Variants in SUGCT observed in about 807,000 individuals in gnomAD.
The protein encoded by SUGCT is succinyl-CoA:glutarate-CoA transferase, also known as succinyl-CoA:glutarate CoA-transferase.
Under a neutral mutation model 55.0 loss-of-function variants are expected in SUGCT, and 41 were observed. That is an observed-to-expected ratio of 0.74 (90% CI 0.58 to 0.97). The LOEUF is 0.97. SUGCT is among the 50% of genes least tolerant of loss of function. SUGCT has a pLI of 0.00. For missense variants in SUGCT, 568 were observed against 547.8 expected, an observed-to-expected ratio of 1.04 and a Z score of -0.37; for synonymous variants, 187 against 200.4, an observed-to-expected ratio of 0.93 and a Z score of 0.56.
Position 40,365,123 on chromosome 7 carries a change from A to G in SUGCT, c.816+48268A>G, listed in dbSNP as rs377243655. Among the ~76,000 whole-genome samples the G allele has an allele frequency of 9.2e-5, 14 of 152,322 alleles. No individual in the cohort carries two copies. The East Asian group carries it at 2.5e-3, about 27-fold the overall frequency. ...CTGGTTCAGTATATGCAAATTAATAAATGTAATCCGGCATATAAACAGAAC... is the reference window on the plus strand; with the variant it reads ...CTGGTTCAGTATATGCAAATTAATAGATGTAATCCGGCATATAAACAGAAC... On this transcript the variant is annotated intron_variant, in intron 9 of 13. Transcript: ENST00000335693.
chr7:40,843,169 T>A (rs915006325), intron 13 of SUGCT, among the ~76,000 whole-genome samples: 2 of 152,106 alleles, frequency 1.3e-5, no homozygotes, highest in Non-Finnish European at 2.9e-5. Flanking sequence ...GGAGGTAAAC[T>A]GGCCAAAGGG....
At chr7:40,726,632 G>GTAAATA (rs1786626400) in intron 12 of SUGCT, among the ~76,000 whole-genome samples, 1 of 152,134 alleles carries the variant, frequency 6.6e-6, no homozygotes, top group Non-Finnish European at 1.5e-5. Context: ...ATATTTCAGT[G>GTAAATA]TAATCACACA....
At chr7:40,721,332 A>AT (rs901882635) in intron 12 of SUGCT, among the ~76,000 whole-genome samples, 43 of 151,748 alleles carry the variant, frequency 2.8e-4, no homozygotes, top group African/African-American at 8.7e-4. Context: ...TTCAAGTTGC[A>AT]TTTTTTTTCA....
intron 13 of SUGCT, among the ~76,000 whole-genome samples, chr7:40,801,654 A>C (rs1790822306): frequency 6.6e-6 from 1 of 152,210 alleles, no homozygotes; most frequent in African/African-American, 2.4e-5. Context: ...GAGGTACAGC[A>C]GATGGCAGTG....
intron 7 of SUGCT, among the ~76,000 whole-genome samples, chr7:40,255,931 A>G (rs10261911): frequency 0.4 from 61,270 of 151,848 alleles, 12,806 homozygotes; most frequent in East Asian, 0.5. Flanking sequence ...TTTGGTCCTT[A>G]TGAAGGTGTA....
intron 13 of SUGCT, among the ~76,000 whole-genome samples, chr7:40,835,017 G>A (rs1053567506): frequency 6.6e-5 from 10 of 152,150 alleles, no homozygotes; most frequent in Admixed American, 3.9e-4. Flanking sequence ...ATAGATTGGA[G>A]CTGTCCAATG....
At chr7:40,915,626 G>GA in the SUGCT span, among the ~76,000 whole-genome samples, 1 of 152,184 alleles carries the variant, frequency 6.6e-6, no homozygotes, top group Non-Finnish European at 1.5e-5. Flanking sequence ...CATAAAGGCA[G>GA]AGGACAGGAG....
intron 12 of SUGCT, among the ~76,000 whole-genome samples, chr7:40,589,050 A>G (rs1797563726): frequency 6.6e-6 from 1 of 152,136 alleles, no homozygotes; most frequent in South Asian, 2.1e-4. Context: ...AATAATCTAA[A>G]TAAAATTTTT....
chr7:40,978,311 G>T, the SUGCT span, among the ~76,000 whole-genome samples: 2 of 152,186 alleles, frequency 1.3e-5, no homozygotes, highest in Non-Finnish European at 2.9e-5. Flanking sequence ...GTCAGGCAGG[G>T]GTTGCTCTCC....
chr7:40,470,370 T>G (rs1486192759), intron 11 of SUGCT, among the ~76,000 whole-genome samples: 1 of 152,074 alleles, frequency 6.6e-6, no homozygotes, highest in African/African-American at 2.4e-5. Context: ...TCAACTGATG[T>G]TTCTAGTAAG....
intron 12 of SUGCT, among the ~76,000 whole-genome samples, chr7:40,628,392 T>A (rs1799625154): frequency 6.6e-6 from 1 of 152,238 alleles, no homozygotes; most frequent in South Asian, 2.1e-4. Context: ...TCACAAAACA[T>A]CTACACTGTT....
At chr7:40,371,266 T>C (rs1439800276) in intron 9 of SUGCT, among the ~76,000 whole-genome samples, 2 of 152,160 alleles carry the variant, frequency 1.3e-5, no homozygotes, top group East Asian at 3.8e-4. Context: ...AGTTAAATAG[T>C]GCACAGGATG....
At position 40,672,537 on chromosome 7, in the gene SUGCT, G is replaced by A. The variant is rs942654023; in HGVS notation, c.1090-76897G>A. 2.3e-4 allele frequency among the ~76,000 whole-genome samples: 35 copies of A among 152,172 alleles called. 1 individual carries two copies. The highest frequency in any genetic ancestry group is 7.7e-4 in the African/African-American group (32 of 41,452). Reference sequence around the variant, plus strand: ...AATTATAGAAATGGAAACTAGATGAGTGGTTGCTAGGATTTAAGGAGAAGG... The same window carrying A: ...AATTATAGAAATGGAAACTAGATGAATGGTTGCTAGGATTTAAGGAGAAGG... On this transcript the variant is annotated intron_variant, in intron 12 of 13. Transcript: ENST00000335693.
intron 1 of SUGCT, among the ~76,000 whole-genome samples, chr7:40,156,995 A>T (rs1783928552): frequency 6.9e-6 from 1 of 145,428 alleles, no homozygotes; most frequent in South Asian, 2.3e-4. Flanking sequence ...AGCCTGGGTG[A>T]CAGAGCAAGA....
At chr7:40,220,601 A>G (rs1235178130) in intron 6 of SUGCT, among the ~76,000 whole-genome samples, 1 of 152,218 alleles carries the variant, frequency 6.6e-6, no homozygotes, top group Non-Finnish European at 1.5e-5. Context: ...ACTTAGGGCT[A>G]CAAGGAAAAG....
chr7:40,721,188 G>A (rs923734547), intron 12 of SUGCT, among the ~76,000 whole-genome samples: 4 of 152,196 alleles, frequency 2.6e-5, no homozygotes, highest in African/African-American at 9.7e-5. Context: ...GCCTGTTGCT[G>A]TGTAAATGAG....
At position 40,289,805 on chromosome 7, in the gene SUGCT, A is replaced by G. The variant is rs568203116; in HGVS notation, c.720+15149A>G. 1.5e-3 allele frequency among the ~76,000 whole-genome samples: 224 copies of G among 152,256 alleles called. 3 individuals carry two copies. Among genetic ancestry groups the G allele is most frequent in the African/African-American group, 5.1e-3 (210 of 41,556 alleles). The stretch of plus-strand genomic sequence containing the variant: ...TTAAGCTGATAAGCTACTTCAGCAA[A>G]GTCTCAGGATACAAAATCAATGTAC... On this transcript the variant is annotated intron_variant, in intron 8 of 13. Coordinates refer to ENST00000335693, the MANE Select transcript of SUGCT (RefSeq NM_001193313.2).
At chr7:40,161,740 A>G (rs1286558164) in intron 1 of SUGCT, among the ~76,000 whole-genome samples, 1 of 152,220 alleles carries the variant, frequency 6.6e-6, no homozygotes, top group African/African-American at 2.4e-5. Context: ...TCCTCTGGAC[A>G]GCTAACTTCA....
At chr7:40,391,504 A>G (rs1203598761) in intron 9 of SUGCT, among the ~76,000 whole-genome samples, 2 of 152,256 alleles carry the variant, frequency 1.3e-5, no homozygotes, top group African/African-American at 4.8e-5. Flanking sequence ...AAAAGAAGAC[A>G]TTTATGCAGC....
Sources: allele counts gnomAD v4.1 joint callset (sites outside exome capture counted in the v4.1 genomes callset), GRCh38; gene constraint gnomAD v4.1.1; transcripts MANE v1.5; gene names NCBI Gene and HGNC (gene_info 2026-07-23, HGNC 2026-07-21).